LMBRD1: variants seen among roughly 807,000 people sequenced by gnomAD.
The protein encoded by LMBRD1 is LMBR1 domain containing 1, also known as lysosomal cobalamin transport escort protein LMBD1.
In LMBRD1, 64 loss-of-function variants were observed where a neutral mutation model predicts 74.8. That is an observed-to-expected ratio of 0.86 (90% CI 0.70 to 1.05). LMBRD1 has a LOEUF of 1.05. Ranked by LOEUF, LMBRD1 falls within the 50% of genes least tolerant of loss-of-function variation. The probability of loss-of-function intolerance (pLI) is 0.00; values close to 1 mark genes in which losing one functional copy is unlikely to be tolerated. For synonymous variants in LMBRD1, 204 were observed against 216.3 expected (o/e 0.94, Z 0.50); for missense variants, 652 against 645.9 (o/e 1.01, Z -0.10).
intron 7 of LMBRD1, among the ~76,000 whole-genome samples, chr6:69,726,741 A>G (rs947593372): frequency 1.3e-5 from 2 of 150,752 alleles, no homozygotes; most frequent in South Asian, 2.1e-4. Flanking sequence ...AAGGGTAGTG[A>G]GGCAGTGGGA....
intron 5 of LMBRD1, among the ~76,000 whole-genome samples, chr6:69,744,190 A>T (rs1481239588): frequency 6.6e-6 from 1 of 152,194 alleles, no homozygotes; most frequent in Non-Finnish European, 1.5e-5. Flanking sequence ...GTGTGGTAGA[A>T]AGGTGCACAT....
chr6:69,700,891 A>T, intron 11 of LMBRD1, 22 bp from the exon 12 acceptor site: 1 of 1,297,250 alleles, frequency 7.7e-7, no homozygotes, highest in Non-Finnish European at 1.1e-6. Flanking sequence ...AGATGAAATT[A>T]AATTTAACAT....
intron 5 of LMBRD1, 121 bp downstream of exon 5, chr6:69,749,220 G>T: frequency 1.3e-6 from 1 of 767,102 alleles, no homozygotes; most frequent in Non-Finnish European, 2.2e-6. Context: ...TTTAGAGAGT[G>T]GATTGTTCTT....
chr6:69,718,622 C>T (rs971379098), intron 8 of LMBRD1, among the ~76,000 whole-genome samples: 11 of 152,076 alleles, frequency 7.2e-5, no homozygotes, highest in Non-Finnish European at 1.0e-4. Context: ...CTTCATGTGG[C>T]GGCAGGAAGG....
intron 4 of LMBRD1, among the ~76,000 whole-genome samples, chr6:69,751,069 T>C (rs1765137701): frequency 6.6e-6 from 1 of 152,090 alleles, no homozygotes; most frequent in Admixed American, 6.5e-5. Flanking sequence ...CAGTGTTCGA[T>C]TTTGACATAT....
chr6:69,680,933 T>C lies in LMBRD1; in HGVS notation c.1418-4392A>G, dbSNP rs149117624. Among the ~76,000 whole-genome samples the C allele has an allele frequency of 4.7e-4, 71 of 152,220 alleles. No individual in the cohort carries two copies. The East Asian group carries it at 0.011, about 23-fold the overall frequency. On this transcript the variant is annotated intron_variant, in intron 14 of 15. Coordinates refer to ENST00000649934, the MANE Select transcript of LMBRD1 (RefSeq NM_018368.4). ...AGATATATAGATTTCTTTCTATAATTATCCAACTAAGAAAATCACAATAAA... is the reference window on the plus strand; with the variant it reads ...AGATATATAGATTTCTTTCTATAATCATCCAACTAAGAAAATCACAATAAA...
intron 2 of LMBRD1, among the ~76,000 whole-genome samples, chr6:69,783,212 G>A (rs963033742): frequency 6.6e-6 from 1 of 151,974 alleles, no homozygotes; most frequent in Non-Finnish European, 1.5e-5. Flanking sequence ...ACACAGAATG[G>A]GAAAGCACTG....
chr6:69,697,527 T>A lies in LMBRD1; in HGVS notation c.1417+36A>T, dbSNP rs971852570. ...GCAAAATGCCAGGAAATTCTTTTCC[T>A]AAAAAGTTGTAAGTTCTAAAACAAG... On this transcript the variant is annotated intron_variant, in intron 14 of 15. Transcript: ENST00000649934. The A allele has an allele frequency of 4.3e-6, 6 of 1,382,634 alleles. No individual in the cohort carries two copies. The African/African-American group carries it at 8.5e-5, about 20-fold the overall frequency. 85.6% of individuals were successfully genotyped at this position (1,382,634 alleles called of 1,614,324 possible). A position where few individuals can be genotyped will look rare whatever the true frequency, so the allele number is the denominator to read the frequency against.
At chr6:69,716,375 T>C (rs1462366869) in intron 8 of LMBRD1, among the ~76,000 whole-genome samples, 1 of 152,162 alleles carries the variant, frequency 6.6e-6, no homozygotes, top group Admixed American at 6.5e-5. Context: ...GTCAGTGATG[T>C]TGAGCTTTTT....
chr6:69,766,200 T>C, intron 3 of LMBRD1, among the ~76,000 whole-genome samples: 1 of 151,998 alleles, frequency 6.6e-6, no homozygotes, highest in Non-Finnish European at 1.5e-5. Flanking sequence ...ACTAGTACAA[T>C]GTTAAATAGC....
At position 69,700,772 on chromosome 6, in the gene LMBRD1, CA is replaced by C; in HGVS notation, c.1180del (p.Trp394GlyfsTer22). 2 of 1,500,840 alleles carry C rather than the reference CA, an allele frequency of 1.3e-6. No individual in the cohort carries two copies. Among genetic ancestry groups the C allele is most frequent in the Non-Finnish European group, 1.8e-6 (2 of 1,104,264 alleles). 93.0% of individuals were successfully genotyped at this position (1,500,840 alleles called of 1,614,324 possible). A position where few individuals can be genotyped will look rare whatever the true frequency, so the allele number is the denominator to read the frequency against. On this transcript the variant is annotated frameshift_variant, in exon 12 of 16. Transcript: ENST00000649934. LOFTEE classifies it high-confidence loss of function. ...GIRNIGIWFF[W>X]IRLYKIRRGR... ...ACTGTAATATATACTTACTCTAATC[CA>C]AAAGAACCATATGCCAATATTTCGA...
At chr6:69,756,190 G>A (rs960248108) in intron 3 of LMBRD1, among the ~76,000 whole-genome samples, 5 of 151,820 alleles carry the variant, frequency 3.3e-5, no homozygotes, top group African/African-American at 7.3e-5. Context: ...ATGAGATCCC[G>A]TCTCTACTAA....
chr6:69,778,899 T>A (rs1171390090), intron 3 of LMBRD1, among the ~76,000 whole-genome samples: 3 of 152,060 alleles, frequency 2.0e-5, no homozygotes, highest in Non-Finnish European at 4.4e-5. Context: ...GAATTAAAAT[T>A]CAATGGGGCA....
intron 3 of LMBRD1, among the ~76,000 whole-genome samples, chr6:69,777,444 C>CA (rs71741122): frequency 0.45 from 46,778 of 103,806 alleles, 9,420 homozygotes; most frequent in East Asian, 0.57. Flanking sequence ...GACTCTGTTG[C>CA]AAAAAAAAAA....
chr6:69,676,168 T>A lies in LMBRD1; in HGVS notation c.1613A>T (p.Tyr538Phe), dbSNP rs982934588. The change falls in exon 16 of 16, where the codon TAT becomes TTT. Residue 538 changes from tyrosine to phenylalanine, a missense_variant. By Grantham distance (22) the Tyr-to-Phe change is conservative. This residue lies in a region of LMBRD1 where 51 missense variants were observed against 46.9 expected (regional missense o/e 1.09). Transcript: ENST00000649934. Reference sequence around the variant, plus strand: ...TAAGACAGAAGGCTGTCAAGCAGAATAGACAGAGGGCTCATCATCACTTAT... The same window carrying A: ...TAAGACAGAAGGCTGTCAAGCAGAAAAGACAGAGGGCTCATCATCACTTAT... ...SDISDDEPSVYSA is the reference protein window; with the variant it reads ...SDISDDEPSVFSA 1 of 1,612,204 alleles carries A rather than the reference T, an allele frequency of 6.2e-7. No homozygotes were observed. The highest frequency in any genetic ancestry group is 1.3e-5 in the African/African-American group (1 of 74,868).
At chr6:69,783,240 T>C (rs1298739504) in intron 2 of LMBRD1, among the ~76,000 whole-genome samples, 2 of 152,234 alleles carry the variant, frequency 1.3e-5, no homozygotes, top group Admixed American at 6.5e-5. Context: ...TTCTGTGCAA[T>C]GACTGAAAAT....
intron 8 of LMBRD1, among the ~76,000 whole-genome samples, chr6:69,718,306 G>A (rs1054473739): frequency 2.6e-5 from 4 of 151,920 alleles, no homozygotes; most frequent in Non-Finnish European, 5.9e-5. Context: ...TATTATAAAC[G>A]ACGATACCTG....
At position 69,793,511 on chromosome 6, in the gene LMBRD1, T is replaced by C. The variant is rs561191345; in HGVS notation, c.70-3039A>G. The stretch of plus-strand genomic sequence containing the variant: ...AAAAATGGAGAGTCTCCTATTGTAA[T>C]GGCAAATACAATTTAAAGGTGGTGT... On this transcript the variant is annotated intron_variant, in intron 1 of 15. Coordinates refer to ENST00000649934, the MANE Select transcript of LMBRD1 (RefSeq NM_018368.4). Among the ~76,000 whole-genome samples, 312 of 152,274 alleles carry C rather than the reference T, an allele frequency of 2.0e-3. 1 individual carries two copies. The highest frequency in any genetic ancestry group is 7.3e-3 in the African/African-American group (303 of 41,552).
intron 3 of LMBRD1, among the ~76,000 whole-genome samples, chr6:69,772,111 T>C (rs1765589173): frequency 6.6e-6 from 1 of 152,220 alleles, no homozygotes; most frequent in African/African-American, 2.4e-5. Context: ...GAGATGTCTT[T>C]GATTTTTTGG....
Sources: allele counts gnomAD v4.1 joint callset (sites outside exome capture counted in the v4.1 genomes callset), GRCh38; gene constraint gnomAD v4.1.1; regional missense constraint gnomAD v4.1.1; transcripts MANE v1.5; gene names NCBI Gene and HGNC (gene_info 2026-07-23, HGNC 2026-07-21).